RAB11FIP2: variants seen among roughly 807,000 people sequenced by gnomAD.
RAB11FIP2 encodes RAB11 family interacting protein 2, also known as rab11 family-interacting protein 2.
A neutral mutation model predicts 40.9 loss-of-function variants in RAB11FIP2; 16 were observed. The observed-to-expected ratio is 0.39, with a 90% CI of 0.26 to 0.59. The LOEUF is 0.59. RAB11FIP2 is among the 20% of genes least tolerant of loss of function. The pLI, the probability that RAB11FIP2 is intolerant of heterozygous loss-of-function variation, is 0.53. For synonymous variants in RAB11FIP2, 228 were observed against 213.7 expected (o/e 1.07, Z -0.58); for missense variants, 532 against 606.2 (o/e 0.88, Z 1.28).
intron 3 of RAB11FIP2, chr10:118,033,952 C>G: frequency 2.9e-6 from 2 of 701,420 alleles, no homozygotes; most frequent in South Asian, 3.0e-5. Context: ...CTTCCACTTG[C>G]ATGCAGAGAC....
At chr10:118,011,701 T>C (rs1253252304) in intron 4 of RAB11FIP2, among the ~76,000 whole-genome samples, 4 of 152,098 alleles carry the variant, frequency 2.6e-5, no homozygotes, top group Non-Finnish European at 1.5e-5. Flanking sequence ...TTGTCTGGTA[T>C]ACCAAGTGAT....
At chr10:118,024,089 TAAAAAAA>T (rs11410516) in intron 3 of RAB11FIP2, among the ~76,000 whole-genome samples, 2 of 127,002 alleles carry the variant, frequency 1.6e-5, no homozygotes, top group African/African-American at 5.9e-5. Context: ...GACTCTGTCT[TAAAAAAA>T]AAAAAAAAAA....
rs750030820 is a variant in RAB11FIP2, at chr10:118,039,175, C to A, written c.1062G>T (p.Arg354Ser). Residue 354 changes from arginine to serine, a missense_variant, in exon 3 of 5, where the codon AGG (arginine) becomes AGT (serine). Arg to Ser is a moderately radical substitution (Grantham distance 110, BLOSUM62 -1). Transcript: ENST00000355624. Reference sequence around the variant, plus strand: ...CTCTTTCAAACAGGCTAACTTTCTCCCTTTTCTCTCTTTTATTTTCTTTTC... The same window carrying A: ...CTCTTTCAAACAGGCTAACTTTCTCACTTTTCTCTCTTTTATTTTCTTTTC... Reference protein sequence around the residue: ...EIRKENKREKREKVSLFERVT... With the variant: ...EIRKENKREKSEKVSLFERVT... The A allele has an allele frequency of 1.2e-6, 2 of 1,613,626 alleles. No individual in the cohort carries two copies. Among genetic ancestry groups the A allele is most frequent in the East Asian group, 4.5e-5 (2 of 44,860 alleles).
At chr10:118,016,397 T>C (rs1846220585) in intron 3 of RAB11FIP2, among the ~76,000 whole-genome samples, 1 of 152,138 alleles carries the variant, frequency 6.6e-6, no homozygotes, top group South Asian at 2.1e-4. Context: ...TGGACTCAAG[T>C]CACTATACCA....
intron 3 of RAB11FIP2, among the ~76,000 whole-genome samples, chr10:118,037,020 TGC>T (rs1429218119): frequency 6.6e-6 from 1 of 152,126 alleles, no homozygotes; most frequent in Non-Finnish European, 1.5e-5. Flanking sequence ...TCCATTTTCT[TGC>T]TTTTCTTCTG....
In RAB11FIP2 at chr10:118,046,210, C is replaced by T; in HGVS notation, c.-47G>A. ...CGAGTTCCCTAGCACAGGCAGTGCC[C>T]CTCCCGGAGGGAGAGCCTAATTCCT... On this transcript the variant is annotated 5_prime_UTR_variant, in exon 1 of 5. Coordinates refer to ENST00000355624, the MANE Select transcript of RAB11FIP2 (RefSeq NM_014904.3). 6.6e-7 allele frequency: 1 copy of T among 1,514,096 alleles called. No homozygotes were observed. The highest frequency in any genetic ancestry group is 9.1e-7 in the Non-Finnish European group (1 of 1,100,432). The allele number at this position is 1,514,096 out of a possible 1,614,324, so 93.8% of individuals were successfully genotyped here. A position where few individuals can be genotyped will look rare whatever the true frequency, so the allele number is the denominator to read the frequency against.
chr10:118,040,630 CATACAA>C, intron 1 of RAB11FIP2, 65 bp from the exon 2 acceptor site: 2 of 1,177,662 alleles, frequency 1.7e-6, no homozygotes, highest in East Asian at 5.0e-5. Context: ...AGTTCTGTTA[CATACAA>C]ATAGCCTTTT....
intron 3 of RAB11FIP2, among the ~76,000 whole-genome samples, chr10:118,032,159 T>A (rs1054979082): frequency 3.9e-5 from 6 of 152,098 alleles, no homozygotes; most frequent in African/African-American, 1.4e-4. Flanking sequence ...TCTGTGGTCC[T>A]GAAATTTTTC....
chr10:118,046,292 C>A lies in RAB11FIP2; in HGVS notation c.-129G>T, dbSNP rs1564697000. The A allele has an allele frequency of 1.2e-6, 1 of 822,636 alleles. No individual in the cohort carries two copies. Among genetic ancestry groups the A allele is most frequent in the Non-Finnish European group, 1.9e-6 (1 of 517,204 alleles). 51.0% of individuals were successfully genotyped at this position (822,636 alleles called of 1,614,324 possible). On this transcript the variant is annotated 5_prime_UTR_variant, in exon 1 of 5. Transcript: ENST00000355624. The stretch of plus-strand genomic sequence containing the variant: ...AACAGGCAGGCTCAGGGCTCCCCGA[C>A]TTCCCTATGGCTGATGTCAAAACGC...
chr10:118,040,170 T>A lies in RAB11FIP2; in HGVS notation c.749A>T (p.His250Leu), dbSNP rs529906159. ...KLKAGTIGQT[H>L]LLGHQLDSFG... ...GGAATCTAACTGGTGTCCGAGAAGA[T>A]GTGTTTGACCTATGGTGCCAGCCTT... Residue 250 changes from histidine to leucine, a missense_variant, in exon 2 of 5, where the codon CAT becomes CTT. Transcript: ENST00000355624. The A allele has an allele frequency of 7.4e-6, 12 of 1,613,800 alleles. No homozygotes were observed. The African/African-American group carries it at 1.2e-4, about 16-fold the overall frequency.
intron 3 of RAB11FIP2, among the ~76,000 whole-genome samples, chr10:118,024,469 TCG>T (rs1846319469): frequency 2.8e-5 from 2 of 71,612 alleles, no homozygotes; most frequent in South Asian, 1.3e-3. Context: ...GTCATCATCA[TCG>T]TGTGTGTGTG....
intron 3 of RAB11FIP2, chr10:118,034,084 T>C (rs1318602964): frequency 1.0e-5 from 7 of 698,244 alleles, no homozygotes; most frequent in Admixed American, 8.0e-5. Flanking sequence ...TTGTGGGCCA[T>C]ATGGTCTCTG....
chr10:118,008,857 C>T lies in RAB11FIP2; in HGVS notation c.*141G>A, dbSNP rs902263630. 2 of 674,384 alleles carry T rather than the reference C, an allele frequency of 3.0e-6. No homozygotes were observed. The highest frequency in any genetic ancestry group is 5.0e-6 in the Non-Finnish European group (2 of 396,762). 41.8% of individuals were successfully genotyped at this position (674,384 alleles called of 1,614,324 possible). On this transcript the variant is annotated 3_prime_UTR_variant, in exon 5 of 5. Coordinates refer to ENST00000355624, the MANE Select transcript of RAB11FIP2 (RefSeq NM_014904.3). ...TCTTGATAGTCCCTGCTAATATTTACAGGTAAAACTACTCTTCACAATAAA... is the reference window on the plus strand; with the variant it reads ...TCTTGATAGTCCCTGCTAATATTTATAGGTAAAACTACTCTTCACAATAAA...
intron 3 of RAB11FIP2, among the ~76,000 whole-genome samples, chr10:118,015,644 T>C (rs528115621): frequency 4.2e-4 from 64 of 152,354 alleles, no homozygotes; most frequent in African/African-American, 1.5e-3. Flanking sequence ...TAATGTGATT[T>C]CTAAGTAGCT....
At chr10:118,041,727 T>C (rs1268880044) in intron 1 of RAB11FIP2, among the ~76,000 whole-genome samples, 2 of 152,198 alleles carry the variant, frequency 1.3e-5, no homozygotes, top group African/African-American at 2.4e-5. Context: ...ACATTTACTG[T>C]ATATCAAGTT....
chr10:118,020,295 C>T (rs1225577558), intron 3 of RAB11FIP2, among the ~76,000 whole-genome samples: 1 of 152,156 alleles, frequency 6.6e-6, no homozygotes, highest in East Asian at 1.9e-4. Flanking sequence ...TTCAATGAGT[C>T]CAGGGCAATT....
At chr10:118,037,088 A>G (rs1222839820) in intron 3 of RAB11FIP2, among the ~76,000 whole-genome samples, 1 of 152,122 alleles carries the variant, frequency 6.6e-6, no homozygotes, top group Non-Finnish European at 1.5e-5. Flanking sequence ...AGTTGTTTCC[A>G]ACAACCTTCT....
Position 118,007,261 on chromosome 10 carries a change from T to C in RAB11FIP2, c.*1737A>G, listed in dbSNP as rs555570169. On this transcript the variant is annotated 3_prime_UTR_variant, in exon 5 of 5. Coordinates refer to ENST00000355624, the MANE Select transcript of RAB11FIP2 (RefSeq NM_014904.3). ...TTACAGAATCTTGAGGAGAAAAAAA[T>C]TGATAAAAGCTATTTTTCCTTCTCC... 29 of 151,536 alleles carry C rather than the reference T, an allele frequency of 1.9e-4. No homozygotes were observed. Among genetic ancestry groups the C allele is most frequent in the African/African-American group, 5.8e-4 (24 of 41,408 alleles). The allele number at this position is 151,536 out of a possible 1,614,324, so 9.4% of individuals were successfully genotyped here. A position where few individuals can be genotyped will look rare whatever the true frequency, so the allele number is the denominator to read the frequency against.
intron 3 of RAB11FIP2, among the ~76,000 whole-genome samples, chr10:118,034,418 C>A (rs1846456386): frequency 6.6e-6 from 1 of 150,780 alleles, no homozygotes; most frequent in Non-Finnish European, 1.5e-5. Context: ...CCCATCATTT[C>A]CACTTTTAAG....
Sources: allele counts gnomAD v4.1 joint callset (sites outside exome capture counted in the v4.1 genomes callset), GRCh38; gene constraint gnomAD v4.1.1; transcripts MANE v1.5; gene names NCBI Gene and HGNC (gene_info 2026-07-23, HGNC 2026-07-21).